COL4A6: variants seen among roughly 807,000 people sequenced by gnomAD.
COL4A6 encodes collagen alpha-6(IV) chain.
Under a neutral mutation model 126.7 loss-of-function variants are expected in COL4A6, and 59 were observed. The observed-to-expected ratio is 0.47, with a 90% CI of 0.38 to 0.58. The LOEUF (loss-of-function observed/expected upper bound fraction) is 0.58, where lower values mean the gene tolerates loss of function less well. COL4A6 is among the 20% of genes least tolerant of loss of function. The pLI, the probability that COL4A6 is intolerant of heterozygous loss-of-function variation, is 0.00. For missense variants in COL4A6, 1,285 were observed against 1,337.3 expected, an observed-to-expected ratio of 0.96 and a Z score of 0.61; for synonymous variants, 547 against 496.6, an observed-to-expected ratio of 1.10 and a Z score of -1.35.
chrX:108,406,336 C>T (rs192559149), intron 2 of COL4A6, among the ~76,000 whole-genome samples: 10 of 111,969 alleles, frequency 8.9e-5, no homozygotes, highest in South Asian at 7.5e-4. Context: ...TATCTTAACC[C>T]TTTACTTACC....
intron 3 of COL4A6, among the ~76,000 whole-genome samples, chrX:108,252,684 A>C (rs1443626974): frequency 1.4e-5 from 1 of 69,006 alleles, no homozygotes; most frequent in Non-Finnish European, 3.1e-5. Flanking sequence ...TATTAAAACC[A>C]GACAATGACA....
Position 108,164,901 on chromosome X carries a change from G to A in COL4A6, c.3946C>T (p.Leu1316Phe). 4.1e-6 allele frequency: 5 copies of A among 1,206,265 alleles called. No individual in the cohort carries two copies. The highest frequency in any genetic ancestry group is 5.6e-6 in the Non-Finnish European group (5 of 892,644). Residue 1316 changes from leucine (L) to phenylalanine (F), a missense_variant, in exon 39 of 45, where the codon CTC becomes TTC. Leu to Phe is a conservative substitution (Grantham distance 22). Transcript: ENST00000334504. ...GDQGIPGFSGLPGELGLKGMR... is the reference protein window; with the variant it reads ...GDQGIPGFSGFPGELGLKGMR... Reference sequence around the variant, plus strand: ...CCTTTCAGTCCTAGCTCTCCAGGGAGGCCAGAAAAACCTGGAATTCCTTGG... The same window carrying A: ...CCTTTCAGTCCTAGCTCTCCAGGGAAGCCAGAAAAACCTGGAATTCCTTGG...
chrX:108,336,153 A>C (rs1236607802), intron 2 of COL4A6, among the ~76,000 whole-genome samples: 1 of 111,775 alleles, frequency 8.9e-6, no homozygotes, highest in African/African-American at 3.2e-5. Context: ...AGAATTGAAA[A>C]CAAGTGTCCA....
intron 2 of COL4A6, among the ~76,000 whole-genome samples, chrX:108,322,260 C>A (rs2039050100): frequency 9.0e-6 from 1 of 111,625 alleles, no homozygotes; most frequent in African/African-American, 3.3e-5. Context: ...GTTTAATGTG[C>A]ATTTGCCTTT....
intron 2 of COL4A6, among the ~76,000 whole-genome samples, chrX:108,327,383 G>A (rs1164326833): frequency 2.0e-5 from 2 of 101,005 alleles, no homozygotes; most frequent in African/African-American, 7.2e-5. Context: ...GTGCCCAAAA[G>A]GTTGGGGACT....
At chrX:108,385,161 T>A (rs753451599) in intron 2 of COL4A6, among the ~76,000 whole-genome samples, 1 of 109,858 alleles carries the variant, frequency 9.1e-6, no homozygotes, top group Non-Finnish European at 1.9e-5. Context: ...GTTTTGTAGT[T>A]TTCCAACTAA....
At chrX:108,278,696 T>C (rs2037696555) in intron 3 of COL4A6, among the ~76,000 whole-genome samples, 1 of 108,032 alleles carries the variant, frequency 9.3e-6, no homozygotes. Context: ...ATTGTCAGAT[T>C]CACCAAAGTT....
At chrX:108,302,049 T>A (rs529449558) in intron 3 of COL4A6, among the ~76,000 whole-genome samples, 2 of 111,673 alleles carry the variant, frequency 1.8e-5, no homozygotes, top group African/African-American at 6.5e-5. Context: ...GCCAGTGGTC[T>A]CCAAATCCTT....
In COL4A6 at chrX:108,187,164, G is replaced by A; in HGVS notation, c.1883C>T (p.Pro628Leu). 8.4e-7 allele frequency: 1 copy of A among 1,196,304 alleles called. No individual in the cohort carries two copies. Among genetic ancestry groups the A allele is most frequent in the Non-Finnish European group, 1.1e-6 (1 of 885,677 alleles). Residue 628 changes from proline (P) to leucine (L), a missense_variant, in exon 23 of 45, where the codon CCC becomes CTC. Transcript: ENST00000334504. ...GCCTTTATCTCCAGGAAGCCCACGG[G>A]GTCCAGGAAGTCCTGGTAACCCATT... is the stretch of plus-strand genomic sequence containing the variant. ...PGNGLPGLPGPRGLPGDKGKD... is the reference protein window; with the variant it reads ...PGNGLPGLPGLRGLPGDKGKD...
At chrX:108,189,562 A>G (rs1927887418) in intron 20 of COL4A6, among the ~76,000 whole-genome samples, 1 of 112,498 alleles carries the variant, frequency 8.9e-6, no homozygotes, top group Non-Finnish European at 1.9e-5. Context: ...GGTATCAAGA[A>G]ATACATCAGC....
Position 108,188,659 on chromosome X carries a change from G to A in COL4A6, c.1445C>T (p.Ala482Val). 8.6e-7 allele frequency: 1 copy of A among 1,162,010 alleles called. No homozygotes were observed. The change falls in exon 21 of 45, where the codon GCT (alanine) becomes GTT (valine). Residue 482 changes from alanine (A) to valine (V), a missense_variant. Coordinates refer to ENST00000334504, the MANE Select transcript of COL4A6 (RefSeq NM_033641.4). ...AGTGTTGGGAACACCACCGTCACAA[G>A]CACAGAAACCTGAGTCTCCTGGGAG... ...KGIKGDSGFC[A>V]CDGGVPNTGP...
At chrX:108,190,766 G>C (rs1323879467) in intron 19 of COL4A6, among the ~76,000 whole-genome samples, 1 of 112,279 alleles carries the variant, frequency 8.9e-6, no homozygotes, top group Non-Finnish European at 1.9e-5. Flanking sequence ...GAATGAACAA[G>C]GTAGCTTCCA....
At chrX:108,380,634 C>T (rs2040541631) in intron 2 of COL4A6, among the ~76,000 whole-genome samples, 1 of 112,232 alleles carries the variant, frequency 8.9e-6, no homozygotes, top group East Asian at 2.8e-4. Flanking sequence ...CTATGGAACA[C>T]CTGAGGCAAA....
chrX:108,329,496 C>T (rs1018601026), intron 2 of COL4A6, among the ~76,000 whole-genome samples: 3 of 111,624 alleles, frequency 2.7e-5, no homozygotes, highest in African/African-American at 9.8e-5. Context: ...TGAACATTGT[C>T]TGGATATTCG....
chrX:108,438,341 T>C lies in COL4A6; in HGVS notation c.-145A>G. 2 of 1,079,008 alleles carry C rather than the reference T, an allele frequency of 1.9e-6. No homozygotes were observed. Among genetic ancestry groups the C allele is most frequent in the East Asian group, 3.4e-5 (1 of 29,355 alleles). The allele number at this position is 1,079,008 out of a possible 1,213,427, so 88.9% of individuals were successfully genotyped here. A position where few individuals can be genotyped will look rare whatever the true frequency, so the allele number is the denominator to read the frequency against. On this transcript the variant is annotated 5_prime_UTR_variant, in exon 1 of 45. Transcript: ENST00000334504. ...CGAAGTGGCCCAGTTTGGAAGAAACTAAACACTGCTTCTAGATAAGAAGTG... is the reference window on the plus strand; with the variant it reads ...CGAAGTGGCCCAGTTTGGAAGAAACCAAACACTGCTTCTAGATAAGAAGTG...
At chrX:108,372,639 G>A (rs994803326) in intron 2 of COL4A6, among the ~76,000 whole-genome samples, 2 of 111,539 alleles carry the variant, frequency 1.8e-5, no homozygotes, top group Admixed American at 1.9e-4. Context: ...GGAAGACCTC[G>A]ATTTCAAGAT....
intron 3 of COL4A6, among the ~76,000 whole-genome samples, chrX:108,252,413 C>T (rs747613188): frequency 3.4e-4 from 38 of 111,244 alleles, no homozygotes; most frequent in South Asian, 1.9e-3. Context: ...TTCTATATGT[C>T]GGGTATTGTA....
At chrX:108,256,050 T>C (rs1203747521) in intron 3 of COL4A6, among the ~76,000 whole-genome samples, 3 of 111,051 alleles carry the variant, frequency 2.7e-5, no homozygotes, top group Non-Finnish European at 5.7e-5. Context: ...AGTTTCCTTA[T>C]TTGAAAAAAG....
At chrX:108,292,645 C>G (rs1388902838) in intron 3 of COL4A6, among the ~76,000 whole-genome samples, 1 of 111,091 alleles carries the variant, frequency 9.0e-6, no homozygotes, top group Non-Finnish European at 1.9e-5. Context: ...ATTCCAAGGA[C>G]ATATCTATAG....
Sources: allele counts gnomAD v4.1 joint callset (sites outside exome capture counted in the v4.1 genomes callset), GRCh38; gene constraint gnomAD v4.1.1; transcripts MANE v1.5; gene names NCBI Gene and HGNC (gene_info 2026-07-23, HGNC 2026-07-21).